CDK7: variants seen among roughly 807,000 people sequenced by gnomAD.
CDK7 encodes the protein cyclin dependent kinase 7, also known as cyclin-dependent kinase 7.
A neutral mutation model predicts 49.1 loss-of-function variants in CDK7; 25 were observed. The observed-to-expected ratio is 0.51, with a 90% CI of 0.37 to 0.71. The LOEUF (loss-of-function observed/expected upper bound fraction) is 0.71. Ranked by LOEUF, CDK7 falls within the 30% of genes least tolerant of loss-of-function variation. The probability of loss-of-function intolerance (pLI) is 0.00; values close to 1 mark genes in which losing one functional copy is unlikely to be tolerated. For synonymous variants in CDK7, 107 were observed against 140.0 expected, an observed-to-expected ratio of 0.76 and a Z score of 1.67; for missense variants, 316 against 411.7, an observed-to-expected ratio of 0.77 and a Z score of 2.01.
chr5:69,258,269 C>A (rs929371649), intron 6 of CDK7, 116 bp downstream of exon 6: 2 of 567,622 alleles, frequency 3.5e-6, no homozygotes, highest in Non-Finnish European at 6.2e-6. Context: ...ACTGTTTTAT[C>A]CCATCTTTTT....
Position 69,276,595 on chromosome 5 carries a change from A to G in CDK7, c.917A>G (p.Gln306Arg), listed in dbSNP as rs1561382767. ...CGGCCAGGGCCAACACCTGGATGTC[A>G]GCTGCCAAGACCAAACTGTCCAGTG... Reference protein sequence around the residue: ...SNRPGPTPGCQLPRPNCPVET... With the variant: ...SNRPGPTPGCRLPRPNCPVET... Residue 306 changes from glutamine (Q) to arginine (R), a missense_variant, in exon 11 of 12, where the codon CAG becomes CGG. Coordinates refer to ENST00000256443, the MANE Select transcript of CDK7 (RefSeq NM_001799.4). The G allele has an allele frequency of 6.2e-7, 1 of 1,613,928 alleles. No homozygotes were observed. The highest frequency in any genetic ancestry group is 1.7e-5 in the Admixed American group (1 of 60,020).
intron 2 of CDK7, chr5:69,250,653 C>T: frequency 2.2e-6 from 1 of 454,208 alleles, no homozygotes; most frequent in Admixed American, 2.4e-5. Flanking sequence ...ACCCTAGTAG[C>T]CCACCTGGTG....
chr5:69,273,509 A>G (rs1199211704), intron 10 of CDK7, among the ~76,000 whole-genome samples: 1 of 152,166 alleles, frequency 6.6e-6, no homozygotes, highest in East Asian at 1.9e-4. Context: ...GAACATGGTA[A>G]TGGGGAGGAA....
intron 5 of CDK7, 62 bp downstream of exon 5, chr5:69,255,590 T>C (rs776645747): frequency 2.5e-6 from 3 of 1,183,568 alleles, no homozygotes. Context: ...AACCTAAATA[T>C]TTGTTTTCTA....
chr5:69,253,779 T>G (rs1750304062), intron 3 of CDK7, among the ~76,000 whole-genome samples: 1 of 152,198 alleles, frequency 6.6e-6, no homozygotes, highest in African/African-American at 2.4e-5. Flanking sequence ...CCATTTGTCG[T>G]AGTCTTTGTT....
At chr5:69,260,177 G>A (rs1450072587) in intron 7 of CDK7, among the ~76,000 whole-genome samples, 2 of 152,044 alleles carry the variant, frequency 1.3e-5, no homozygotes, top group Non-Finnish European at 2.9e-5. Flanking sequence ...GTGAAACCCC[G>A]TCTCTACTAA....
intron 2 of CDK7, among the ~76,000 whole-genome samples, chr5:69,251,008 C>T (rs1310700144): frequency 6.6e-6 from 1 of 152,064 alleles, no homozygotes; most frequent in African/African-American, 2.4e-5. Context: ...TAGCTCACTG[C>T]AGCCTCGAAC....
chr5:69,273,921 G>GGATA (rs1365967591), intron 10 of CDK7, among the ~76,000 whole-genome samples: 3 of 151,962 alleles, frequency 2.0e-5, no homozygotes, highest in Admixed American at 2.0e-4. Context: ...AGATATAGAT[G>GGATA]GATAGGTAGG....
intron 2 of CDK7, among the ~76,000 whole-genome samples, chr5:69,238,591 T>C (rs1394905489): frequency 1.3e-5 from 2 of 151,576 alleles, no homozygotes; most frequent in Non-Finnish European, 2.9e-5. Flanking sequence ...TCAGCCAGTA[T>C]TGCATACTTT....
chr5:69,255,863 ACCCAGCCTGGAGTGCAATGG>A (rs1000398516), intron 5 of CDK7: 2 of 258,282 alleles, frequency 7.7e-6, no homozygotes, highest in African/African-American at 4.7e-5. Context: ...CAGTCTGTTC[ACCCAGCCTGGAGTGCAATGG>A]CGTGATCTCG....
At chr5:69,235,514 C>T in intron 2 of CDK7, 61 bp downstream of exon 2, 1 of 1,090,452 alleles carries the variant, frequency 9.2e-7, no homozygotes, top group African/African-American at 1.6e-5. Flanking sequence ...TATTAATTGA[C>T]TGATAGCCAT....
chr5:69,267,291 CCTTTTTTTT>C (rs1351892283), intron 8 of CDK7, among the ~76,000 whole-genome samples: 2 of 115,462 alleles, frequency 1.7e-5, no homozygotes, highest in Non-Finnish European at 3.5e-5. Flanking sequence ...TATAAGGATT[CCTTTTTTTT>C]TTTTTTTTTT....
chr5:69,256,954 C>T (rs577700543), intron 5 of CDK7, among the ~76,000 whole-genome samples: 1 of 152,238 alleles, frequency 6.6e-6, no homozygotes, highest in South Asian at 2.1e-4. Context: ...ACAATCCAAA[C>T]ATCCCTCATT....
At chr5:69,235,236 G>T (rs183470726) in intron 1 of CDK7, 158 bp from the exon 2 acceptor site, 1 of 759,368 alleles carries the variant, frequency 1.3e-6, no homozygotes, top group South Asian at 1.6e-5. Context: ...CCTTGCTGAA[G>T]AGTAGCCTGG....
rs755500732 is a variant in CDK7 at position 69,262,215 on chromosome 5, G to A, written c.538G>A (p.Ala180Thr). 1.4e-4 allele frequency: 224 copies of A among 1,613,576 alleles called. No homozygotes were observed. Among genetic ancestry groups the A allele is most frequent in the Non-Finnish European group, 1.8e-4 (214 of 1,180,040 alleles). Residue 180 changes from alanine (A) to threonine (T), a missense_variant, in exon 8 of 12, where the codon GCC becomes ACC. Ala to Thr is a moderately conservative substitution (Grantham distance 58). Coordinates refer to ENST00000256443, the MANE Select transcript of CDK7 (RefSeq NM_001799.4). The stretch of plus-strand genomic sequence containing the variant: ...CTTTTTGTTCTTTAGGTGGTATCGG[G>A]CCCCCGAGTTACTATTTGGAGCTAG... The part of the protein sequence containing the change: ...THQVVTRWYR[A>T]PELLFGARMY...
intron 1 of CDK7, 149 bp from the exon 2 acceptor site, chr5:69,235,244 TG>T: frequency 1.3e-6 from 1 of 771,334 alleles, no homozygotes; most frequent in Non-Finnish European, 2.2e-6. Context: ...AAGAGTAGCC[TG>T]GAGCTGGACG....
intron 9 of CDK7, among the ~76,000 whole-genome samples, chr5:69,269,580 C>G (rs1468158960): frequency 2.0e-5 from 3 of 151,924 alleles, no homozygotes; most frequent in Non-Finnish European, 4.4e-5. Context: ...TATAAGCACA[C>G]TACGAACATA....
chr5:69,235,505 A>G, intron 2 of CDK7, 52 bp downstream of exon 2: 1 of 1,180,948 alleles, frequency 8.5e-7, no homozygotes, highest in Non-Finnish European at 1.3e-6. Flanking sequence ...TGTCTGTATT[A>G]TTAATTGACT....
At chr5:69,264,382 C>T (rs1420348616) in intron 8 of CDK7, among the ~76,000 whole-genome samples, 1 of 152,072 alleles carries the variant, frequency 6.6e-6, no homozygotes, top group Non-Finnish European at 1.5e-5. Flanking sequence ...TAACTAAAAT[C>T]AAAAGATGAA....
Sources: gnomAD v4.1 joint callset for allele counts (sites outside exome capture counted in the v4.1 genomes callset) on GRCh38, gnomAD v4.1.1 for gene constraint, MANE v1.5 for transcripts, NCBI Gene and HGNC (gene_info 2026-07-23, HGNC 2026-07-21) for gene names.